ATP11B: variants seen among roughly 807,000 people sequenced by gnomAD.
The protein encoded by ATP11B is ATPase phospholipid transporting 11B (putative).
A neutral mutation model predicts 157.8 loss-of-function variants in ATP11B; 81 were observed. The observed-to-expected ratio is 0.51, with a 90% confidence interval of 0.43 to 0.62. The LOEUF is 0.62. Among genes scored for constraint, ATP11B ranks in the 20% least tolerant of loss-of-function variants. The pLI is 0.00. For missense variants in ATP11B, 1,165 were observed against 1,402.2 expected (o/e 0.83, Z 2.70); for synonymous variants, 451 against 469.4 (o/e 0.96, Z 0.51).
At chr3:182,817,833 T>C (rs9880061) in intron 1 of ATP11B, among the ~76,000 whole-genome samples, 5,276 of 152,234 alleles carry the variant, frequency 0.035, 313 homozygotes, top group African/African-American at 0.12. Flanking sequence ...ACATAAATTC[T>C]GGTCTTGTGA....
chr3:182,910,996 T>C (rs1724740881), intron 28 of ATP11B, among the ~76,000 whole-genome samples: 1 of 152,214 alleles, frequency 6.6e-6, no homozygotes, highest in Admixed American at 6.5e-5. Context: ...ATAAACATAC[T>C]TTGTCCAACT....
chr3:182,845,569 T>G, intron 9 of ATP11B, 47 bp downstream of exon 9: 1 of 1,262,734 alleles, frequency 7.9e-7, no homozygotes, highest in Non-Finnish European at 1.1e-6. Flanking sequence ...GTGTTGATGC[T>G]TTATATGAAG....
intron 18 of ATP11B, 26 bp downstream of exon 18, chr3:182,872,563 T>C (rs538279349): frequency 4.5e-6 from 7 of 1,540,356 alleles, no homozygotes; most frequent in East Asian, 4.5e-5. Flanking sequence ...TTAAAAAATA[T>C]TACTTTTCTC....
intron 1 of ATP11B, among the ~76,000 whole-genome samples, chr3:182,817,967 C>T (rs948536024): frequency 4.6e-5 from 7 of 151,942 alleles, no homozygotes; most frequent in Non-Finnish European, 1.0e-4. Context: ...AAACTTTATC[C>T]CAGAAGCTAT....
intron 28 of ATP11B, among the ~76,000 whole-genome samples, chr3:182,900,577 CCTAT>C (rs1723885059): frequency 1.3e-5 from 2 of 151,754 alleles, no homozygotes; most frequent in South Asian, 4.2e-4. Context: ...AGAAAGTTTG[CCTAT>C]CTTATTATTC....
Position 182,828,169 on chromosome 3 carries a change from G to T in ATP11B, c.194G>T (p.Arg65Ile). 6.6e-7 allele frequency: 1 copy of T among 1,514,346 alleles called. No individual in the cohort carries two copies. Among genetic ancestry groups the T allele is most frequent in the Non-Finnish European group, 8.9e-7 (1 of 1,121,622 alleles). 93.8% of individuals were successfully genotyped at this position (1,514,346 alleles called of 1,614,324 possible). Reference sequence around the variant, plus strand: ...AAAAATTTATTTGAACAGTTCAGAAGAGTGGCAAACTTTTATTTTCTTATT... The same window carrying T: ...AAAAATTTATTTGAACAGTTCAGAATAGTGGCAAACTTTTATTTTCTTATT... Reference protein sequence around the residue: ...VPKNLFEQFRRVANFYFLIIF... With the variant: ...VPKNLFEQFRIVANFYFLIIF... The change falls in exon 3 of 30, where the codon AGA becomes ATA. Residue 65 changes from arginine to isoleucine, a missense_variant. Coordinates refer to ENST00000323116, the MANE Select transcript of ATP11B (RefSeq NM_014616.3).
intron 14 of ATP11B, 99 bp downstream of exon 14, chr3:182,866,542 A>G (rs1031184041): frequency 2.9e-6 from 3 of 1,046,192 alleles, no homozygotes; most frequent in South Asian, 2.8e-5. Context: ...TAAATTCGTC[A>G]TTTTAAGTTG....
chr3:182,879,450 T>A, intron 19 of ATP11B, 46 bp from the exon 20 acceptor site: 1 of 1,506,702 alleles, frequency 6.6e-7, no homozygotes, highest in Admixed American at 2.1e-5. Context: ...GTAAATAATA[T>A]GGCTTCAAAG....
At chr3:182,845,901 T>G (rs1021020621) in intron 9 of ATP11B, among the ~76,000 whole-genome samples, 1 of 152,234 alleles carries the variant, frequency 6.6e-6, no homozygotes, top group African/African-American at 2.4e-5. Flanking sequence ...TGCAGATTTA[T>G]CCATTCATAC....
Position 182,889,394 on chromosome 3 carries a change from C to T in ATP11B, c.2844-16C>T. On this transcript the variant is annotated splice_polypyrimidine_tract_variant and intron_variant, in intron 24 of 29. Transcript: ENST00000323116. ...AATGATCCCTAATATGTTTCTTTTTCTCTTCTTTTTAACAGAGACATTAGT... is the reference window on the plus strand; with the variant it reads ...AATGATCCCTAATATGTTTCTTTTTTTCTTCTTTTTAACAGAGACATTAGT... 1 of 1,506,074 alleles carries T rather than the reference C, an allele frequency of 6.6e-7. No homozygotes were observed. Among genetic ancestry groups the T allele is most frequent in the Non-Finnish European group, 8.9e-7 (1 of 1,118,954 alleles). 93.3% of individuals were successfully genotyped at this position (1,506,074 alleles called of 1,614,324 possible).
At chr3:182,910,943 T>C (rs1348812783) in intron 28 of ATP11B, among the ~76,000 whole-genome samples, 1 of 152,232 alleles carries the variant, frequency 6.6e-6, no homozygotes, top group Admixed American at 6.5e-5. Flanking sequence ...CTAAAAGATA[T>C]ATAAAATAAG....
At position 182,820,322 on chromosome 3, in the gene ATP11B, G is replaced by A. The variant is rs1202756097; in HGVS notation, c.90G>A (p.Gln30=). ...RTIYVANRFP[Q]NGLYTPQKFI... The stretch of plus-strand genomic sequence containing the variant: ...TCTACGTAGCCAACAGGTTTCCTCA[G>A]AATGGCCTTTACACACCTCAGAAAT... Residue 30 remains glutamine, a synonymous_variant, in exon 2 of 30, where the codon CAG becomes CAA. Transcript: ENST00000323116. 6.2e-7 allele frequency: 1 copy of A among 1,614,090 alleles called. No individual in the cohort carries two copies. Among genetic ancestry groups the A allele is most frequent in the East Asian group, 2.2e-5 (1 of 44,888 alleles).
chr3:182,872,227 G>C (rs779402518), intron 17 of ATP11B, 129 bp from the exon 18 acceptor site: 30 of 638,400 alleles, frequency 4.7e-5, no homozygotes, highest in Non-Finnish European at 7.1e-5. Flanking sequence ...CTAGGTGATA[G>C]TACTTTTTAA....
intron 21 of ATP11B, among the ~76,000 whole-genome samples, chr3:182,883,538 G>A (rs1201701100): frequency 6.6e-6 from 1 of 151,772 alleles, no homozygotes; most frequent in African/African-American, 2.4e-5. Context: ...GACTACAGGC[G>A]TGAGCCACCA....
chr3:182,867,579 CTTTTTTTT>C (rs386398716), intron 15 of ATP11B, 135 bp downstream of exon 15: 5 of 152,810 alleles, frequency 3.3e-5, no homozygotes, highest in Non-Finnish European at 5.8e-5. Flanking sequence ...AGTCACATTA[CTTTTTTTT>C]TTTTTTTTTT....
chr3:182,861,893 C>CAGAT, intron 12 of ATP11B, among the ~76,000 whole-genome samples: 1 of 150,272 alleles, frequency 6.7e-6, no homozygotes, highest in East Asian at 2.0e-4. Context: ...GCAGTGAACC[C>CAGAT]TGGTCACACC....
intron 29 of ATP11B, 125 bp downstream of exon 29, chr3:182,914,119 T>C: frequency 3.3e-6 from 5 of 1,517,316 alleles, no homozygotes; most frequent in Non-Finnish European, 4.4e-6. Context: ...GGAAGTCTGC[T>C]ATTTATTAGC....
intron 1 of ATP11B, among the ~76,000 whole-genome samples, chr3:182,804,528 T>C (rs976160507): frequency 6.6e-6 from 1 of 152,202 alleles, no homozygotes; most frequent in Non-Finnish European, 1.5e-5. Flanking sequence ...CGACCGCACC[T>C]GGCAGGAATT....
intron 10 of ATP11B, among the ~76,000 whole-genome samples, chr3:182,857,321 G>A (rs1560091101): frequency 6.6e-6 from 1 of 151,836 alleles, no homozygotes. Context: ...AATTTTTTTT[G>A]TATTTTTAGT....
Sources: allele counts gnomAD v4.1 joint callset (sites outside exome capture counted in the v4.1 genomes callset), GRCh38; gene constraint gnomAD v4.1.1; transcripts MANE v1.5; gene names NCBI Gene and HGNC (gene_info 2026-07-23, HGNC 2026-07-21).